Variants in TCERG1L observed in about 807,000 individuals in gnomAD.
TCERG1L encodes the protein transcription elongation regulator 1 like.
TCERG1L carries 37 observed loss-of-function variants against 56.3 expected under a neutral mutation model. The observed-to-expected ratio is 0.66, with a 90% CI of 0.51 to 0.87. TCERG1L has a LOEUF of 0.87. Ranked by LOEUF, TCERG1L falls within the 40% of genes least tolerant of loss-of-function variation. The pLI is 0.00. For missense variants in TCERG1L, 799 were observed against 774.2 expected (o/e 1.03, Z -0.38); for synonymous variants, 324 against 326.3 (o/e 0.99, Z 0.08).
chr10:131,099,149 T>G (rs1011548245), intron 10 of TCERG1L, among the ~76,000 whole-genome samples: 1 of 152,170 alleles, frequency 6.6e-6, no homozygotes, highest in Non-Finnish European at 1.5e-5. Flanking sequence ...TCTCAAATGC[T>G]GCCCCAAACA....
chr10:131,101,187 G>A (rs1213965502), intron 10 of TCERG1L, among the ~76,000 whole-genome samples: 1 of 152,220 alleles, frequency 6.6e-6, no homozygotes, highest in Admixed American at 6.5e-5. Flanking sequence ...CCTGAGGAAG[G>A]TCCAGCCTCA....
chr10:131,301,927 C>A (rs892611629), intron 3 of TCERG1L, among the ~76,000 whole-genome samples: 1 of 151,888 alleles, frequency 6.6e-6, no homozygotes, highest in Non-Finnish European at 1.5e-5. Context: ...AAATAATTGA[C>A]CTGAGCTTAA....
chr10:131,219,368 C>T (rs1845705663), intron 4 of TCERG1L, among the ~76,000 whole-genome samples: 1 of 152,240 alleles, frequency 6.6e-6, no homozygotes, highest in Admixed American at 6.5e-5. Context: ...TGACCCCTGG[C>T]TGGCCGACCC....
intron 3 of TCERG1L, among the ~76,000 whole-genome samples, chr10:131,265,569 G>A (rs1846276636): frequency 6.6e-6 from 1 of 152,180 alleles, no homozygotes; most frequent in Non-Finnish European, 1.5e-5. Flanking sequence ...GATAACGTGG[G>A]TTCAGTACCA....
intron 4 of TCERG1L, among the ~76,000 whole-genome samples, chr10:131,249,805 T>C (rs1237954958): frequency 6.6e-6 from 1 of 152,148 alleles, no homozygotes; most frequent in Non-Finnish European, 1.5e-5. Context: ...GCCGAGGCTG[T>C]GCTCCCCTCC....
intron 9 of TCERG1L, among the ~76,000 whole-genome samples, chr10:131,113,188 A>G (rs1845426925): frequency 7.0e-6 from 1 of 143,078 alleles, no homozygotes; most frequent in African/African-American, 2.5e-5. Flanking sequence ...ATCCCACAAT[A>G]TAGCCAGCTG....
intron 4 of TCERG1L, among the ~76,000 whole-genome samples, chr10:131,180,410 T>C (rs888305853): frequency 6.6e-6 from 1 of 152,280 alleles, no homozygotes; most frequent in African/African-American, 2.4e-5. Context: ...GCTAATGTCA[T>C]ATACAACATA....
intron 5 of TCERG1L, among the ~76,000 whole-genome samples, chr10:131,165,731 G>A (rs570501416): frequency 6.6e-6 from 1 of 152,246 alleles, no homozygotes; most frequent in Admixed American, 6.5e-5. Flanking sequence ...AATTTGTGAT[G>A]GGGACTAATG....
chr10:131,291,488 G>A (rs369288722), intron 3 of TCERG1L, among the ~76,000 whole-genome samples: 52 of 123,604 alleles, frequency 4.2e-4, no homozygotes, highest in African/African-American at 1.5e-3. Flanking sequence ...GTGCAGTGGC[G>A]TGATCTCGGC....
At chr10:131,222,643 A>C (rs956696874) in intron 4 of TCERG1L, among the ~76,000 whole-genome samples, 2 of 152,188 alleles carry the variant, frequency 1.3e-5, no homozygotes, top group African/African-American at 4.8e-5. Flanking sequence ...GGTCCAGGAG[A>C]TAGTGAGGGT....
At chr10:131,166,355 T>C (rs529404607) in intron 5 of TCERG1L, among the ~76,000 whole-genome samples, 5 of 152,380 alleles carry the variant, frequency 3.3e-5, no homozygotes, top group Non-Finnish European at 5.9e-5. Context: ...GACTGTACTA[T>C]TGAAAACACG....
chr10:131,232,298 C>A (rs373585342), intron 4 of TCERG1L, among the ~76,000 whole-genome samples: 1 of 152,244 alleles, frequency 6.6e-6, no homozygotes, highest in African/African-American at 2.4e-5. Flanking sequence ...AGCCAGGCAA[C>A]CCCTGAGCTG....
At chr10:131,290,050 ACTG>A (rs1170218001) in intron 3 of TCERG1L, among the ~76,000 whole-genome samples, 1 of 51,204 alleles carries the variant, frequency 2.0e-5, no homozygotes, top group African/African-American at 7.7e-5. Flanking sequence ...GTATGTGTGC[ACTG>A]CTGTGTGTGA....
intron 4 of TCERG1L, among the ~76,000 whole-genome samples, chr10:131,212,155 G>A (rs1212785089): frequency 1.3e-5 from 2 of 152,208 alleles, no homozygotes; most frequent in Non-Finnish European, 2.9e-5. Context: ...TGCAGGCTAA[G>A]GTTGTGTCTG....
At chr10:131,261,617 G>A (rs1246411054) in intron 3 of TCERG1L, among the ~76,000 whole-genome samples, 9 of 152,226 alleles carry the variant, frequency 5.9e-5, no homozygotes, top group East Asian at 5.8e-4. Flanking sequence ...GCAATGTATC[G>A]TCATTCAGTC....
chr10:131,146,748 T>C, intron 6 of TCERG1L, 88 bp from the exon 7 acceptor site: 3 of 1,418,514 alleles, frequency 2.1e-6, no homozygotes, highest in Non-Finnish European at 2.8e-6. Context: ...AAAAAGCCCC[T>C]CAGGACCGAA....
intron 4 of TCERG1L, among the ~76,000 whole-genome samples, chr10:131,247,699 A>G (rs73398458): frequency 0.012 from 1,781 of 152,276 alleles, 35 homozygotes; most frequent in African/African-American, 0.037. Context: ...TGTCCCCATC[A>G]TCCATCCTTG....
At chr10:131,239,132 G>A (rs961460042) in intron 4 of TCERG1L, among the ~76,000 whole-genome samples, 8 of 152,212 alleles carry the variant, frequency 5.3e-5, no homozygotes, top group Non-Finnish European at 8.8e-5. Context: ...AGGAAGCCCA[G>A]AGCTGGGCCT....
intron 9 of TCERG1L, among the ~76,000 whole-genome samples, chr10:131,115,541 C>T (rs908500471): frequency 3.0e-4 from 13 of 43,062 alleles, no homozygotes; most frequent in Non-Finnish European, 8.4e-4. Context: ...CGCTCTGTGC[C>T]TCTCAGCACG....
Sources: gnomAD v4.1 joint callset for allele counts (sites outside exome capture counted in the v4.1 genomes callset) on GRCh38, gnomAD v4.1.1 for gene constraint, MANE v1.5 for transcripts, NCBI Gene and HGNC (gene_info 2026-07-23, HGNC 2026-07-21) for gene names.